CPNE8: variants seen among roughly 807,000 people sequenced by gnomAD.
The protein encoded by CPNE8 is copine 8.
CPNE8 carries 45 observed loss-of-function variants against 81.5 expected under a neutral mutation model. The observed-to-expected ratio is 0.55, with a 90% CI of 0.44 to 0.71. The LOEUF (loss-of-function observed/expected upper bound fraction) is 0.71. Among genes scored for constraint, CPNE8 ranks in the 30% least tolerant of loss-of-function variants. CPNE8 has a pLI of 0.00. For synonymous variants in CPNE8, 252 were observed against 226.3 expected, an observed-to-expected ratio of 1.11 and a Z score of -1.02; for missense variants, 594 against 672.1, an observed-to-expected ratio of 0.88 and a Z score of 1.28.
chr12:38,906,050 C>A (rs1479170774), upstream of CPNE8: 2 of 986,734 alleles, frequency 2.0e-6, no homozygotes, highest in African/African-American at 3.5e-5. Context: ...CTCGAAGTTT[C>A]CTCGCCTGAG....
At chr12:38,786,440 C>T (rs1243643488) in intron 6 of CPNE8, among the ~76,000 whole-genome samples, 1 of 152,120 alleles carries the variant, frequency 6.6e-6, no homozygotes, top group Non-Finnish European at 1.5e-5. Context: ...AGAGACCGGC[C>T]TAACCTCCCA....
chr12:38,842,569 C>CTTTTTTT (rs769891980), intron 4 of CPNE8, among the ~76,000 whole-genome samples: 4 of 110,816 alleles, frequency 3.6e-5, no homozygotes, highest in Admixed American at 1.1e-4. Context: ...AACATTTTTC[C>CTTTTTTT]TTTTTTTTTT....
chr12:38,742,322 T>C (rs1482268651), intron 10 of CPNE8, among the ~76,000 whole-genome samples: 1 of 152,056 alleles, frequency 6.6e-6, no homozygotes, highest in Admixed American at 6.5e-5. Flanking sequence ...ATGTGGCACA[T>C]ATACACCACG....
At chr12:38,784,543 T>A (rs1942131443) in intron 6 of CPNE8, among the ~76,000 whole-genome samples, 1 of 152,074 alleles carries the variant, frequency 6.6e-6, no homozygotes, top group South Asian at 2.1e-4. Flanking sequence ...ACCAAACAGA[T>A]TTAACCCAAA....
intron 6 of CPNE8, among the ~76,000 whole-genome samples, chr12:38,789,600 C>T (rs1215831657): frequency 6.6e-6 from 1 of 151,632 alleles, no homozygotes; most frequent in Non-Finnish European, 1.5e-5. Flanking sequence ...CAAATCAGAT[C>T]ACATCAAGTT....
chr12:38,783,914 A>G (rs1456542215), intron 6 of CPNE8, among the ~76,000 whole-genome samples: 1 of 152,228 alleles, frequency 6.6e-6, no homozygotes, highest in Non-Finnish European at 1.5e-5. Context: ...ACAAGCCCAG[A>G]CAGTGAAGAC....
chr12:38,685,689 A>G, intron 15 of CPNE8, 72 bp from the exon 16 acceptor site: 2 of 1,506,706 alleles, frequency 1.3e-6, no homozygotes, highest in East Asian at 2.3e-5. Flanking sequence ...ATCAATTGAA[A>G]GAGATGAGAA....
intron 3 of CPNE8, among the ~76,000 whole-genome samples, chr12:38,850,902 G>T (rs1024321514): frequency 6.6e-6 from 1 of 152,164 alleles, no homozygotes; most frequent in African/African-American, 2.4e-5. Context: ...CAAAATTCAG[G>T]TGTTACCAAT....
rs550044142 is a variant in CPNE8 at position 38,794,759 on chromosome 12, G to A, written c.408-18458C>T. Among the ~76,000 whole-genome samples the A allele has an allele frequency of 3.9e-4, 59 of 152,176 alleles. No homozygotes were observed. The South Asian group carries it at 7.7e-3, about 20-fold the overall frequency. ...GTGCAATTGCTATAGAAAACAGTAT[G>A]AATGTGATGGTTAATATTAAGTGTC... On this transcript the variant is annotated intron_variant, in intron 6 of 19. Coordinates refer to ENST00000331366, the MANE Select transcript of CPNE8 (RefSeq NM_153634.3).
At chr12:38,791,148 C>T (rs1476543800) in intron 6 of CPNE8, among the ~76,000 whole-genome samples, 3 of 151,566 alleles carry the variant, frequency 2.0e-5, no homozygotes, top group African/African-American at 7.3e-5. Context: ...ATGTAACTGC[C>T]TTCATATGAT....
At chr12:38,744,413 A>G (rs1941178887) in intron 10 of CPNE8, among the ~76,000 whole-genome samples, 1 of 152,226 alleles carries the variant, frequency 6.6e-6, no homozygotes. Context: ...TAAGTCCATT[A>G]TATCGACCTC....
intron 10 of CPNE8, among the ~76,000 whole-genome samples, chr12:38,745,999 C>T (rs1941218236): frequency 6.6e-6 from 1 of 152,086 alleles, no homozygotes; most frequent in African/African-American, 2.4e-5. Flanking sequence ...TCAATAAAAG[C>T]TCTCCAGGTG....
intron 3 of CPNE8, among the ~76,000 whole-genome samples, chr12:38,872,536 C>G (rs1375539977): frequency 3.3e-5 from 5 of 152,212 alleles, no homozygotes; most frequent in Admixed American, 1.3e-4. Flanking sequence ...AGTCTCTTCA[C>G]TTTTGCTTCA....
chr12:38,882,363 G>A (rs1269438202), intron 1 of CPNE8, among the ~76,000 whole-genome samples: 1 of 152,176 alleles, frequency 6.6e-6, no homozygotes, highest in Non-Finnish European at 1.5e-5. Flanking sequence ...AAAAGGCAAA[G>A]AATGGATTGT....
chr12:38,692,895 C>T (rs1939709265), intron 15 of CPNE8, among the ~76,000 whole-genome samples: 1 of 152,158 alleles, frequency 6.6e-6, no homozygotes, highest in South Asian at 2.1e-4. Context: ...TTTGGGACTT[C>T]TAAGAATATG....
chr12:38,874,567 A>G, intron 1 of CPNE8, 56 bp from the exon 2 acceptor site: 1 of 1,085,472 alleles, frequency 9.2e-7, no homozygotes, highest in Non-Finnish European at 1.4e-6. Flanking sequence ...ATTTATATTT[A>G]TATAGACATA....
At chr12:38,670,837 T>C (rs375159634) in intron 18 of CPNE8, 35 bp from the exon 19 acceptor site, 415 of 1,485,854 alleles carry the variant, frequency 2.8e-4, no homozygotes, top group Non-Finnish European at 3.0e-4. Context: ...ATTCAGTACA[T>C]TTTAGCCAAA....
chr12:38,760,930 A>G, intron 9 of CPNE8, 42 bp from the exon 10 acceptor site: 2 of 1,365,682 alleles, frequency 1.5e-6, no homozygotes, highest in Non-Finnish European at 2.0e-6. Context: ...ACTTAGTAAG[A>G]TCAAAATAAT....
intron 6 of CPNE8, among the ~76,000 whole-genome samples, chr12:38,778,607 C>T (rs1010516422): frequency 1.3e-5 from 2 of 152,240 alleles, no homozygotes; most frequent in South Asian, 4.1e-4. Flanking sequence ...CCAAGAAAAC[C>T]TTATCCTAGG....
Sources: gnomAD v4.1 joint callset for allele counts (sites outside exome capture counted in the v4.1 genomes callset) on GRCh38, gnomAD v4.1.1 for gene constraint, MANE v1.5 for transcripts, NCBI Gene and HGNC (gene_info 2026-07-23, HGNC 2026-07-21) for gene names.